Variants in WDR72 observed in about 807,000 individuals in gnomAD.
WDR72 encodes the protein WD repeat-containing protein 72.
In WDR72, 120 loss-of-function variants were observed where a neutral mutation model predicts 124.2. That is an observed-to-expected ratio of 0.97 (90% CI 0.83 to 1.12). The LOEUF (loss-of-function observed/expected upper bound fraction) is 1.12, where lower values mean the gene tolerates loss of function less well. Ranked by LOEUF, WDR72 falls within the 50% of genes most tolerant of loss-of-function variation. The probability of loss-of-function intolerance (pLI) is 0.00; values close to 1 mark genes in which losing one functional copy is unlikely to be tolerated. For synonymous variants in WDR72, 452 were observed against 441.7 expected (o/e 1.02, Z -0.29); for missense variants, 1,387 against 1,278.8 (o/e 1.08, Z -1.29).
In WDR72 at chr15:53,607,124, A is replaced by G. The variant is rs147212392; in HGVS notation, c.2952+2389T>C. Reference sequence around the variant, plus strand: ...TCATCGAATCAACGCACAACTATTTATTGTACAATTCACAAAGGTACTGCT... The same window carrying G: ...TCATCGAATCAACGCACAACTATTTGTTGTACAATTCACAAAGGTACTGCT... On this transcript the variant is annotated intron_variant, in intron 17 of 19. Transcript: ENST00000360509. Among the ~76,000 whole-genome samples the G allele has an allele frequency of 7.2e-4, 109 of 152,280 alleles. 1 individual carries two copies. Among genetic ancestry groups the G allele is most frequent in the Middle Eastern group, 3.4e-3 (1 of 294 alleles).
intron 1 of WDR72, chr15:53,756,638 T>C (rs891165731): frequency 1.3e-5 from 2 of 152,124 alleles, no homozygotes. Context: ...GAAAAGTCAG[T>C]GTCAAAGTAA....
intron 17 of WDR72, among the ~76,000 whole-genome samples, chr15:53,601,999 G>A (rs193251228): frequency 1.7e-3 from 250 of 151,062 alleles, no homozygotes; most frequent in Middle Eastern, 6.8e-3. Context: ...TGGACCTGAT[G>A]TCTATAGAAC....
At chr15:53,725,273 A>G (rs1595875858) in intron 2 of WDR72, among the ~76,000 whole-genome samples, 2 of 152,170 alleles carry the variant, frequency 1.3e-5, no homozygotes, top group South Asian at 4.1e-4. Context: ...CACACCTATT[A>G]AAATGGCCAA....
intron 1 of WDR72, 70 bp from the exon 2 acceptor site, chr15:53,733,231 C>G: frequency 1.9e-6 from 3 of 1,550,194 alleles, no homozygotes; most frequent in Non-Finnish European, 2.6e-6. Flanking sequence ...GATAATATTA[C>G]AAGCAGATTT....
At position 53,651,580 on chromosome 15, in the gene WDR72, T is replaced by C. The variant is rs1270011356; in HGVS notation, c.1962+13992A>G. 2.6e-5 allele frequency among the ~76,000 whole-genome samples: 4 copies of C among 152,326 alleles called. No individual in the cohort carries two copies. The East Asian group carries it at 5.8e-4, about 22-fold the overall frequency. ...AGTAATTCTTTGTTTTCAAGGAGCT[T>C]TAGGCCTAACTGAGAAAATAAGACA... is the stretch of plus-strand genomic sequence containing the variant. On this transcript the variant is annotated intron_variant, in intron 14 of 19. Transcript: ENST00000360509.
At chr15:53,602,518 A>T (rs955793182) in intron 17 of WDR72, among the ~76,000 whole-genome samples, 5 of 152,080 alleles carry the variant, frequency 3.3e-5, no homozygotes, top group African/African-American at 1.2e-4. Flanking sequence ...CTCACAAAAA[A>T]ATCTATTCAA....
At chr15:53,578,525 T>G (rs2011739810) in intron 18 of WDR72, among the ~76,000 whole-genome samples, 1 of 151,942 alleles carries the variant, frequency 6.6e-6, no homozygotes, top group Non-Finnish European at 1.5e-5. Context: ...TATGCAGAGG[T>G]TGAGAGCCAT....
In WDR72 at chr15:53,514,090, C is replaced by G. The variant is rs1445086819; in HGVS notation, c.*3609G>C. Reference sequence around the variant, plus strand: ...CAGCTTTGTCTGAAAGATACCTACTCAAGTAAGTTTTAATTTTGCAACTCT... The same window carrying G: ...CAGCTTTGTCTGAAAGATACCTACTGAAGTAAGTTTTAATTTTGCAACTCT... On this transcript the variant is annotated 3_prime_UTR_variant, in exon 20 of 20. Coordinates refer to ENST00000360509, the MANE Select transcript of WDR72 (RefSeq NM_182758.4). The G allele has an allele frequency of 6.6e-6, 1 of 152,194 alleles. No individual in the cohort carries two copies. The highest frequency in any genetic ancestry group is 2.1e-4 in the South Asian group (1 of 4,830). The allele number at this position is 152,194 out of a possible 1,614,324, so 9.4% of individuals were successfully genotyped here.
At chr15:53,752,120 G>A (rs1359728699) in intron 1 of WDR72, among the ~76,000 whole-genome samples, 2 of 152,110 alleles carry the variant, frequency 1.3e-5, no homozygotes, top group Non-Finnish European at 2.9e-5. Context: ...TCTATTAAGT[G>A]AATTAAGTAG....
chr15:53,709,969 G>T (rs2017487114), intron 9 of WDR72, among the ~76,000 whole-genome samples: 1 of 152,098 alleles, frequency 6.6e-6, no homozygotes, highest in Admixed American at 6.6e-5. Flanking sequence ...AACGTTTATG[G>T]ATAATTAACT....
rs796149586 is a variant in WDR72 at position 53,727,184 on chromosome 15, C to T, written c.154-4276G>A. ...AAAATTAGCTGGGTGTAGTGGATCT[C>T]ATCACTGCACTCCAGCCTGGGTGAC... On this transcript the variant is annotated intron_variant, in intron 2 of 19. Coordinates refer to ENST00000360509, the MANE Select transcript of WDR72 (RefSeq NM_182758.4). 9.5e-5 allele frequency among the ~76,000 whole-genome samples: 13 copies of T among 136,482 alleles called. 1 individual carries two copies. Among genetic ancestry groups the T allele is most frequent in the African/African-American group, 3.7e-4 (13 of 35,438 alleles). The allele number at this position is 136,482 out of a possible 152,430, so 89.5% of individuals were successfully genotyped here.
At chr15:53,588,564 A>G (rs2012338656) in intron 18 of WDR72, among the ~76,000 whole-genome samples, 1 of 152,024 alleles carries the variant, frequency 6.6e-6, no homozygotes, top group African/African-American at 2.4e-5. Flanking sequence ...CCAGCTAGCA[A>G]GATGACTGAC....
chr15:53,643,407 A>AT (rs969903302), intron 14 of WDR72, among the ~76,000 whole-genome samples: 16 of 151,652 alleles, frequency 1.1e-4, no homozygotes, highest in South Asian at 2.1e-4. Context: ...CGCTATGAGG[A>AT]TTTTTTTTTC....
chr15:53,629,478 GA>G (rs148267435), intron 14 of WDR72, among the ~76,000 whole-genome samples: 10,332 of 148,714 alleles, frequency 0.069, 1,161 homozygotes, highest in African/African-American at 0.24. Flanking sequence ...AGTTATGGAA[GA>G]AAAAAAAAGT....
intron 18 of WDR72, among the ~76,000 whole-genome samples, chr15:53,567,596 A>C (rs62005914): frequency 9.9e-5 from 15 of 151,912 alleles, no homozygotes. Context: ...TTATAAATAA[A>C]AGACAATATC....
At chr15:53,543,586 T>A (rs966348565) in intron 18 of WDR72, among the ~76,000 whole-genome samples, 16 of 150,144 alleles carry the variant, frequency 1.1e-4, no homozygotes, top group Admixed American at 3.3e-4. Context: ...TTAAAAGAAC[T>A]AGAAAAGCAA....
At chr15:53,714,181 C>CTGTGTGTGTGTGTGTGTG (rs147902451) in intron 6 of WDR72, among the ~76,000 whole-genome samples, 2 of 150,334 alleles carry the variant, frequency 1.3e-5, no homozygotes, top group Non-Finnish European at 3.0e-5. Flanking sequence ...TGTAATCTTT[C>CTGTGTGTGTGTGTGTGTG]TGTGTGTGTG....
intron 18 of WDR72, among the ~76,000 whole-genome samples, chr15:53,527,160 G>A (rs1312116991): frequency 6.6e-6 from 1 of 152,054 alleles, no homozygotes; most frequent in Admixed American, 6.6e-5. Context: ...AACACTGTAA[G>A]AGGAAATTCA....
At chr15:53,680,341 T>C (rs187987376) in intron 13 of WDR72, among the ~76,000 whole-genome samples, 23 of 152,356 alleles carry the variant, frequency 1.5e-4, no homozygotes, top group South Asian at 4.1e-4. Context: ...TTAAATTCAA[T>C]GTTTAAAAGA....
Sources: allele counts gnomAD v4.1 joint callset (sites outside exome capture counted in the v4.1 genomes callset), GRCh38; gene constraint gnomAD v4.1.1; transcripts MANE v1.5; gene names NCBI Gene and HGNC (gene_info 2026-07-23, HGNC 2026-07-21).